Variants in ANKRD36 observed in about 807,000 individuals in gnomAD.
The protein encoded by ANKRD36 is ankyrin repeat domain-containing protein 36A.
In ANKRD36, 179 loss-of-function variants were observed where a neutral mutation model predicts 278.1. The observed-to-expected ratio is 0.64, with a 90% CI of 0.57 to 0.73. The LOEUF (loss-of-function observed/expected upper bound fraction) is 0.73, where lower values mean the gene tolerates loss of function less well. Ranked by LOEUF, ANKRD36 falls within the 30% of genes least tolerant of loss-of-function variation. The probability of loss-of-function intolerance (pLI) is 0.00; values close to 1 mark genes in which losing one functional copy is unlikely to be tolerated. For missense variants in ANKRD36, 1,159 were observed against 1,956.7 expected, an observed-to-expected ratio of 0.59 and a Z score of 7.69; for synonymous variants, 320 against 641.1, an observed-to-expected ratio of 0.50 and a Z score of 7.57.
intron 5 of ANKRD36, 78 bp from the exon 6 acceptor site, chr2:97,126,989 C>T (rs1379900986): frequency 3.7e-6 from 2 of 539,472 alleles, no homozygotes; most frequent in Non-Finnish European, 6.3e-6. Flanking sequence ...GTTCAAGATA[C>T]TCTAATAATT....
chr2:97,144,974 G>T (rs1192166417), intron 10 of ANKRD36, among the ~76,000 whole-genome samples: 1 of 151,950 alleles, frequency 6.6e-6, no homozygotes, highest in Non-Finnish European at 1.5e-5. Context: ...AGTCTGAGGG[G>T]ACAGCATAAT....
intron 1 of ANKRD36, among the ~76,000 whole-genome samples, chr2:97,116,753 TATCA>T (rs1453586711): frequency 6.6e-6 from 1 of 152,140 alleles, no homozygotes; most frequent in Non-Finnish European, 1.5e-5. Flanking sequence ...TATTTTAGTT[TATCA>T]GTGTCCTCAT....
At position 97,200,055 on chromosome 2, in the gene ANKRD36, C is replaced by T. The variant is rs537107405; in HGVS notation, c.2756-279C>T. Among the ~76,000 whole-genome samples, 8 of 151,958 alleles carry T rather than the reference C, an allele frequency of 5.3e-5. No homozygotes were observed. In the South Asian group the frequency reaches 6.3e-4, roughly 12 times the overall value. The stretch of plus-strand genomic sequence containing the variant: ...TTAGATCACATTTGTTCTCATCACT[C>T]GGCATATCCACATTGAGATTGACAC... On this transcript the variant is annotated intron_variant, in intron 44 of 75. Transcript: ENST00000420699.
intron 36 of ANKRD36, 44 bp downstream of exon 36, chr2:97,191,225 G>A: frequency 6.6e-7 from 1 of 1,516,714 alleles, no homozygotes; most frequent in Non-Finnish European, 8.9e-7. Flanking sequence ...AGTCCAGATA[G>A]ATAAGAATTT....
At chr2:97,140,073 A>G (rs1456405226) in intron 6 of ANKRD36, among the ~76,000 whole-genome samples, 1 of 151,720 alleles carries the variant, frequency 6.6e-6, no homozygotes, top group Non-Finnish European at 1.5e-5. Flanking sequence ...TGTAAATAGA[A>G]TAATTTTCAT....
chr2:97,263,230 G>A (rs1422546776), intron 75 of ANKRD36, among the ~76,000 whole-genome samples: 38 of 132,056 alleles, frequency 2.9e-4, no homozygotes, highest in Admixed American at 2.5e-3. Flanking sequence ...GAGGTACATA[G>A]AATACAACTT....
chr2:97,178,194 A>T (rs1166404201), intron 22 of ANKRD36, among the ~76,000 whole-genome samples: 1 of 150,908 alleles, frequency 6.6e-6, no homozygotes, highest in Non-Finnish European at 1.5e-5. Flanking sequence ...GCTGGAGAGG[A>T]TGTGGAGAAA....
intron 67 of ANKRD36, among the ~76,000 whole-genome samples, chr2:97,229,519 G>A (rs531737632): frequency 2.4e-3 from 370 of 152,016 alleles, no homozygotes; most frequent in African/African-American, 8.6e-3. Flanking sequence ...TTTATTTTGA[G>A]TCTATGTGTG....
intron 66 of ANKRD36, among the ~76,000 whole-genome samples, chr2:97,224,551 G>T (rs1308949470): frequency 1.3e-5 from 2 of 151,534 alleles, no homozygotes; most frequent in Non-Finnish European, 2.9e-5. Flanking sequence ...CCGGGCTCAC[G>T]CCATTCTCCT....
intron 6 of ANKRD36, among the ~76,000 whole-genome samples, chr2:97,141,061 GTT>G (rs945317039): frequency 6.8e-6 from 1 of 147,012 alleles, no homozygotes; most frequent in South Asian, 2.2e-4. Flanking sequence ...TAGAAAAAGT[GTT>G]TTTTTTTTCT....
At chr2:97,141,097 G>A (rs1360612015) in intron 6 of ANKRD36, among the ~76,000 whole-genome samples, 1 of 151,460 alleles carries the variant, frequency 6.6e-6, no homozygotes, top group Non-Finnish European at 1.5e-5. Context: ...GTTGGCTGAG[G>A]TAGTTATTTC....
At chr2:97,118,763 T>A (rs1240828497) in intron 3 of ANKRD36, 9 of 213,322 alleles carry the variant, frequency 4.2e-5, no homozygotes, top group Non-Finnish European at 7.4e-5. Flanking sequence ...TACAATAAAT[T>A]TATAATTCAT....
rs761209479 is a variant in ANKRD36 at position 97,194,924 on chromosome 2, T to C, written c.2551+7T>C. The C allele has an allele frequency of 5.8e-6, 9 of 1,545,092 alleles. No individual in the cohort carries two copies. The South Asian group carries it at 1.1e-4, about 18-fold the overall frequency. ...GGAGAAATATCTAGGAAAGGTAATTTTGCGAAACACATTTAATGTCATGTT... is the reference window on the plus strand; with the variant it reads ...GGAGAAATATCTAGGAAAGGTAATTCTGCGAAACACATTTAATGTCATGTT... On this transcript the variant is annotated splice_region_variant and intron_variant, in intron 40 of 75. Transcript: ENST00000420699.
At chr2:97,175,369 C>G (rs1030039453) in intron 22 of ANKRD36, among the ~76,000 whole-genome samples, 12 of 151,638 alleles carry the variant, frequency 7.9e-5, no homozygotes, top group African/African-American at 2.9e-4. Context: ...GTGTATGTGT[C>G]TAGGAATTTA....
chr2:97,257,920 TTC>T (rs1355291214), intron 75 of ANKRD36, among the ~76,000 whole-genome samples: 1 of 99,646 alleles, frequency 1.0e-5, no homozygotes, highest in African/African-American at 3.7e-5. Flanking sequence ...TACATTTTCA[TTC>T]TCTCTCCCTT....
In ANKRD36 at chr2:97,158,591, A is replaced by T. The variant is rs1318556787; in HGVS notation, c.1325A>T (p.Asp442Val). 7 of 1,535,930 alleles carry T rather than the reference A, an allele frequency of 4.6e-6. 1 individual carries two copies. In the East Asian group the frequency reaches 1.7e-4, roughly 38 times the overall value. The change falls in exon 17 of 76, where the codon GAT (aspartate) becomes GTT (valine). Residue 442 changes from aspartate (D) to valine (V), a missense_variant. Physicochemically the swap from Asp to Val is radical, Grantham distance 152. Transcript: ENST00000420699. ...CTTGACTTTGTTTTTACTGTAGTAG[A>T]TGCTGCATGTGGCATTGACAAAACA... ...TISQQSAENL[D>V]AACGIDKTEN... is the part of the protein sequence containing the mutation.
chr2:97,188,511 A>T (rs1271023831), intron 32 of ANKRD36, among the ~76,000 whole-genome samples: 1 of 151,008 alleles, frequency 6.6e-6, no homozygotes, highest in East Asian at 2.0e-4. Context: ...CATGGGGGTG[A>T]GAGATAATGA....
rs2057697606 is a variant in ANKRD36 at position 97,187,547 on chromosome 2, A to G, written c.2143+146A>G. 9 of 1,269,250 alleles carry G rather than the reference A, an allele frequency of 7.1e-6. 1 individual carries two copies. In the South Asian group the frequency reaches 1.3e-4, roughly 19 times the overall value. The allele number at this position is 1,269,250 out of a possible 1,614,324, so 78.6% of individuals were successfully genotyped here. ...GCAGGTCTGAGAGTCTTCATTTGTAATAAATTCTTGGGTGACGCTAATGCT... is the reference window on the plus strand; with the variant it reads ...GCAGGTCTGAGAGTCTTCATTTGTAGTAAATTCTTGGGTGACGCTAATGCT... On this transcript the variant is annotated intron_variant, in intron 32 of 75. Coordinates refer to ENST00000420699, the MANE Select transcript of ANKRD36 (RefSeq NM_001354587.1).
intron 62 of ANKRD36, 35 bp from the exon 63 acceptor site, chr2:97,217,142 C>T (rs1200368486): frequency 3.9e-6 from 6 of 1,534,244 alleles, no homozygotes; most frequent in South Asian, 2.4e-5. Context: ...GTCATATTTA[C>T]ATATGATGAA....
Sources: allele counts gnomAD v4.1 joint callset (sites outside exome capture counted in the v4.1 genomes callset), GRCh38; gene constraint gnomAD v4.1.1; transcripts MANE v1.5; gene names NCBI Gene and HGNC (gene_info 2026-07-23, HGNC 2026-07-21).